CHD6: variants seen among roughly 807,000 people sequenced by gnomAD.
CHD6 encodes the protein ATP-dependent chromatin remodeler CHD6.
Under a neutral mutation model 276.9 loss-of-function variants are expected in CHD6, and 50 were observed. The ratio of observed to expected loss-of-function variants is 0.18; its 90% CI spans 0.14 to 0.23. The LOEUF is 0.23. Ranked by LOEUF, CHD6 falls within the 10% of genes least tolerant of loss-of-function variation. The pLI, the probability that CHD6 is intolerant of heterozygous loss-of-function variation, is 1.00. For missense variants in CHD6, 2,564 were observed against 3,365.8 expected, an observed-to-expected ratio of 0.76 and a Z score of 5.89; for synonymous variants, 1,173 against 1,229.3, an observed-to-expected ratio of 0.95 and a Z score of 0.96.
intron 1 of CHD6, among the ~76,000 whole-genome samples, chr20:41,579,768 G>T (rs765697484): frequency 4.6e-5 from 7 of 152,106 alleles, no homozygotes; most frequent in Non-Finnish European, 8.8e-5. Flanking sequence ...ATTATTCAAA[G>T]AAACTGACCA....
At position 41,484,592 on chromosome 20, in the gene CHD6, A is replaced by T. The variant is rs1194480144; in HGVS notation, c.2017T>A (p.Ser673Thr). ...KTEEQVKKLQ[S>T]ILKPMMLRRL... Reference sequence around the variant, plus strand: ...CGAAGCATCATTGGTTTTAGGATAGACTGCAGTTTCTTTACCTGTCCAGGG... The same window carrying T: ...CGAAGCATCATTGGTTTTAGGATAGTCTGCAGTTTCTTTACCTGTCCAGGG... Residue 673 changes from serine (S) to threonine (T), a missense_variant, in exon 15 of 37, where the codon TCT (serine) becomes ACT (threonine). Coordinates refer to ENST00000373233, the MANE Select transcript of CHD6 (RefSeq NM_032221.5). 1 of 1,613,790 alleles carries T rather than the reference A, an allele frequency of 6.2e-7. No homozygotes were observed. Among genetic ancestry groups the T allele is most frequent in the Admixed American group, 1.7e-5 (1 of 60,008 alleles).
At chr20:41,572,261 C>G (rs964278392) in intron 1 of CHD6, among the ~76,000 whole-genome samples, 1 of 152,166 alleles carries the variant, frequency 6.6e-6, no homozygotes, top group East Asian at 1.9e-4. Context: ...TTCAAAAGCG[C>G]TGTGCTTTTG....
Position 41,417,234 on chromosome 20 carries a change from C to T in CHD6, c.6243G>A (p.Gln2081=). The change falls in exon 32 of 37, where the codon CAG becomes CAA. Residue 2081 remains glutamine (Q), a synonymous_variant. Coordinates refer to ENST00000373233, the MANE Select transcript of CHD6 (RefSeq NM_032221.5). The stretch of plus-strand genomic sequence containing the variant: ...CAGAGAAGGAATAGAGAGTTTTCTC[C>T]TGTAGCAGCTGAGCAATAGTGGGAG... ...ARAPTIAQLL[Q]EKTLYSFSEW... 4 of 1,614,102 alleles carry T rather than the reference C, an allele frequency of 2.5e-6. 1 individual carries two copies. The South Asian group carries it at 4.4e-5, about 18-fold the overall frequency.
chr20:41,530,279 CACT>C (rs1226201113), intron 3 of CHD6, among the ~76,000 whole-genome samples: 37 of 152,314 alleles, frequency 2.4e-4, no homozygotes, highest in Admixed American at 6.5e-5. Flanking sequence ...CCACCACCAC[CACT>C]GTTGCCAACA....
Position 41,415,333 on chromosome 20 carries a change from C to T in CHD6, c.6792G>A (p.Leu2264=). Residue 2264 remains leucine, a synonymous_variant, in exon 34 of 37, where the codon CTG becomes CTA. Transcript: ENST00000373233. The stretch of plus-strand genomic sequence containing the variant: ...CAATCTGTCCAGTCACAGGATGGAT[C>T]AGGCCAGCTTGCAGAATCCCAGACA... ...MDLSGILQAG[L]IHPVTGQIVN... is the part of the protein sequence containing the mutation. 1 of 1,614,192 alleles carries T rather than the reference C, an allele frequency of 6.2e-7. No individual in the cohort carries two copies. The highest frequency in any genetic ancestry group is 8.5e-7 in the Non-Finnish European group (1 of 1,180,030).
At chr20:41,488,933 G>A (rs1373301250) in intron 12 of CHD6, among the ~76,000 whole-genome samples, 1 of 152,176 alleles carries the variant, frequency 6.6e-6, no homozygotes, top group Non-Finnish European at 1.5e-5. Context: ...CAAGTCCCCA[G>A]CCAGGAGTCC....
chr20:41,544,653 T>C (rs1239892920), intron 2 of CHD6, among the ~76,000 whole-genome samples: 1 of 150,494 alleles, frequency 6.6e-6, no homozygotes, highest in Non-Finnish European at 1.5e-5. Flanking sequence ...AATCATACTA[T>C]AAATATTTTA....
At position 41,403,626 on chromosome 20, in the gene CHD6, G is replaced by A. The variant is rs1399904192; in HGVS notation, c.*967C>T. The A allele has an allele frequency of 1.9e-6, 2 of 1,061,898 alleles. No individual in the cohort carries two copies. The highest frequency in any genetic ancestry group is 3.3e-5 in the African/African-American group (2 of 60,850). 65.8% of individuals were successfully genotyped at this position (1,061,898 alleles called of 1,614,324 possible). A position where few individuals can be genotyped will look rare whatever the true frequency, so the allele number is the denominator to read the frequency against. ...CCTACTAGCAAGTGTCAAAGTGTTG[G>A]GCAACTGTCTTCTTGCAGGCTCCAG... On this transcript the variant is annotated 3_prime_UTR_variant, in exon 37 of 37. Transcript: ENST00000373233.
At position 41,551,462 on chromosome 20, in the gene CHD6, G is replaced by T. The variant is rs1362365114; in HGVS notation, c.-23-102C>A. 16 of 599,844 alleles carry T rather than the reference G, an allele frequency of 2.7e-5. 1 individual carries two copies. The South Asian group carries it at 3.0e-4, about 11-fold the overall frequency. 37.2% of individuals were successfully genotyped at this position (599,844 alleles called of 1,614,324 possible). A position where few individuals can be genotyped will look rare whatever the true frequency, so the allele number is the denominator to read the frequency against. ...TAACACACAAGGAAAACAAACAGGG[G>T]ATTACTTCTGCAGAACATTTATGTC... On this transcript the variant is annotated intron_variant, in intron 1 of 36. Coordinates refer to ENST00000373233, the MANE Select transcript of CHD6 (RefSeq NM_032221.5).
chr20:41,425,390 C>T lies in CHD6; in HGVS notation c.4134G>A (p.Gln1378=), dbSNP rs765821667. Reference sequence around the variant, plus strand: ...GCGATTTGTCTGGGTCGGAGCCATCCTGGGCTTCAAACATCAGTGAGGATA... The same window carrying T: ...GCGATTTGTCTGGGTCGGAGCCATCTTGGGCTTCAAACATCAGTGAGGATA... The part of the protein sequence containing the change: ...SEKKDDSRAA[Q]DGSDPDKSPW... Residue 1378 remains glutamine, a synonymous_variant, in exon 29 of 37, where the codon CAG becomes CAA. Transcript: ENST00000373233. 1 of 1,613,450 alleles carries T rather than the reference C, an allele frequency of 6.2e-7. No homozygotes were observed. Among genetic ancestry groups the T allele is most frequent in the Non-Finnish European group, 8.5e-7 (1 of 1,179,788 alleles).
At chr20:41,448,378 T>C (rs2048133317) in intron 23 of CHD6, among the ~76,000 whole-genome samples, 1 of 152,214 alleles carries the variant, frequency 6.6e-6, no homozygotes, top group Admixed American at 6.5e-5. Context: ...GTTAAATGAA[T>C]AAATGAATAA....
intron 5 of CHD6, among the ~76,000 whole-genome samples, chr20:41,507,527 C>T (rs1370258110): frequency 6.6e-6 from 1 of 152,104 alleles, no homozygotes; most frequent in African/African-American, 2.4e-5. Context: ...CTGAAATACA[C>T]ATCGAAGTAG....
intron 23 of CHD6, among the ~76,000 whole-genome samples, chr20:41,450,000 G>A (rs1400614204): frequency 6.6e-6 from 1 of 152,152 alleles, no homozygotes; most frequent in Non-Finnish European, 1.5e-5. Context: ...AGTGCTTACT[G>A]CTGTCTCTGA....
At chr20:41,497,304 C>T in intron 8 of CHD6, 80 bp downstream of exon 8, 1 of 929,562 alleles carries the variant, frequency 1.1e-6, no homozygotes, top group East Asian at 2.4e-5. Context: ...AGGAATTTAA[C>T]TTGGACTTAG....
intron 25 of CHD6, among the ~76,000 whole-genome samples, chr20:41,442,111 A>C (rs948148337): frequency 1.3e-5 from 2 of 152,110 alleles, no homozygotes; most frequent in Non-Finnish European, 2.9e-5. Flanking sequence ...AACTCATTTA[A>C]CAGGGTTACA....
chr20:41,601,244 G>A (rs1233499526), intron 1 of CHD6, among the ~76,000 whole-genome samples: 1 of 152,040 alleles, frequency 6.6e-6, no homozygotes, highest in African/African-American at 2.4e-5. Flanking sequence ...TATTTCCCCT[G>A]AGATCACATT....
At chr20:41,547,027 CAAAGA>C (rs1189390246) in intron 2 of CHD6, among the ~76,000 whole-genome samples, 1 of 152,028 alleles carries the variant, frequency 6.6e-6, no homozygotes, top group Non-Finnish European at 1.5e-5. Flanking sequence ...AGATTTTGAA[CAAAGA>C]AATGAGGAAT....
chr20:41,567,732 C>T (rs913449740), intron 1 of CHD6, among the ~76,000 whole-genome samples: 3 of 152,172 alleles, frequency 2.0e-5, no homozygotes, highest in African/African-American at 7.2e-5. Flanking sequence ...TGCTGCTTAC[C>T]AGCATGCCAA....
At chr20:41,602,386 C>G (rs1299261468) in intron 1 of CHD6, among the ~76,000 whole-genome samples, 1 of 152,170 alleles carries the variant, frequency 6.6e-6, no homozygotes, top group Admixed American at 6.5e-5. Flanking sequence ...AGGCAAGCCC[C>G]TTGGTTGACC....
Sources: gnomAD v4.1 joint callset for allele counts (sites outside exome capture counted in the v4.1 genomes callset) on GRCh38, gnomAD v4.1.1 for gene constraint, MANE v1.5 for transcripts, NCBI Gene and HGNC (gene_info 2026-07-23, HGNC 2026-07-21) for gene names.